SLC6A20: variants seen among roughly 807,000 people sequenced by gnomAD.
SLC6A20 encodes the protein sodium- and chloride-dependent transporter XTRP3.
A neutral mutation model predicts 64.3 loss-of-function variants in SLC6A20; 73 were observed. The ratio of observed to expected loss-of-function variants is 1.14; its 90% CI spans 0.94 to 1.38. The LOEUF is 1.38. Among genes scored for constraint, SLC6A20 ranks in the 40% most tolerant of loss-of-function variants. The pLI, the probability that SLC6A20 is intolerant of heterozygous loss-of-function variation, is 0.00. For missense variants in SLC6A20, 725 were observed against 772.8 expected (o/e 0.94, Z 0.73); for synonymous variants, 347 against 329.6 (o/e 1.05, Z -0.57).
At chr3:45,787,293 CA>C (rs1271037299) in intron 1 of SLC6A20, among the ~76,000 whole-genome samples, 1 of 152,154 alleles carries the variant, frequency 6.6e-6, no homozygotes, top group African/African-American at 2.4e-5. Flanking sequence ...TCCTCCTGCC[CA>C]GGATGCTTTC....
chr3:45,784,339 TAACA>T (rs897032337), intron 1 of SLC6A20, among the ~76,000 whole-genome samples: 16 of 152,244 alleles, frequency 1.1e-4, no homozygotes, highest in African/African-American at 3.6e-4. Context: ...TCAAATTTTA[TAACA>T]AACAAATCTC....
intron 1 of SLC6A20, among the ~76,000 whole-genome samples, chr3:45,787,206 C>T (rs889613409): frequency 6.6e-6 from 1 of 152,220 alleles, no homozygotes; most frequent in Non-Finnish European, 1.5e-5. Context: ...CCCTTCCCTG[C>T]CGCTGGCCTC....
At position 45,765,778 on chromosome 3, in the gene SLC6A20, G is replaced by A; in HGVS notation, c.1099-37C>T. ...GAGAAGACACCAGTTACATGCAAGA[G>A]GGACTTATAGTCTTATTCACGCACT... On this transcript the variant is annotated intron_variant, in intron 7 of 10. Coordinates refer to ENST00000358525, the MANE Select transcript of SLC6A20 (RefSeq NM_020208.4). The surrounding 1 kb of genome is among the most constrained non-coding windows in gnomAD (Gnocchi z 4.2). 2 of 1,610,812 alleles carry A rather than the reference G, an allele frequency of 1.2e-6. No homozygotes were observed. Among genetic ancestry groups the A allele is most frequent in the Non-Finnish European group, 1.7e-6 (2 of 1,177,518 alleles).
At chr3:45,770,572 C>T (rs978857915) in intron 6 of SLC6A20, among the ~76,000 whole-genome samples, 5 of 152,216 alleles carry the variant, frequency 3.3e-5, no homozygotes, top group African/African-American at 1.2e-4. Context: ...CAAACTCACA[C>T]AGCTAGGCTA....
intron 1 of SLC6A20, among the ~76,000 whole-genome samples, chr3:45,786,092 A>G (rs901379296): frequency 6.6e-6 from 1 of 152,206 alleles, no homozygotes; most frequent in Non-Finnish European, 1.5e-5. Flanking sequence ...GAACTGTGAG[A>G]AATGATTAAT....
In SLC6A20 at chr3:45,796,409, G is replaced by A; in HGVS notation, c.11C>T (p.Ala4Val). 1 of 1,612,042 alleles carries A rather than the reference G, an allele frequency of 6.2e-7. No individual in the cohort carries two copies. Among genetic ancestry groups the A allele is most frequent in the Non-Finnish European group, 8.5e-7 (1 of 1,179,370 alleles). Residue 4 changes from alanine to valine, a missense_variant, in exon 1 of 11, where the codon GCG (alanine) becomes GTG (valine). By Grantham distance (64) the Ala-to-Val change is moderately conservative. Transcript: ENST00000358525. ...TAGCGAGTTGGCCCACAGCGGCCGC[G>A]CTTTCTCCATGGCCCCGGCCTCGGC... is the stretch of plus-strand genomic sequence containing the variant. MEK[A>V]RPLWANSLQF...
rs1209334762 is a variant in SLC6A20 at position 45,764,729 on chromosome 3, A to G, written c.1303+808T>C. Among the ~76,000 whole-genome samples the G allele has an allele frequency of 4.7e-5, 6 of 127,788 alleles. No homozygotes were observed. In the East Asian group the frequency reaches 1.3e-3, roughly 27 times the overall value. 83.8% of individuals were successfully genotyped at this position (127,788 alleles called of 152,430 possible). A position where few individuals can be genotyped will look rare whatever the true frequency, so the allele number is the denominator to read the frequency against. ...AAAACAAAAAAAAAAAAAAAAGGAA[A>G]AAAACCCCTAAAATGTAGAAGTCAG... is the stretch of plus-strand genomic sequence containing the variant. On this transcript the variant is annotated intron_variant, in intron 8 of 10. Coordinates refer to ENST00000358525, the MANE Select transcript of SLC6A20 (RefSeq NM_020208.4).
intron 3 of SLC6A20, among the ~76,000 whole-genome samples, chr3:45,778,276 C>T (rs1370072714): frequency 1.3e-5 from 2 of 152,216 alleles, no homozygotes; most frequent in East Asian, 1.9e-4. Context: ...CTCGGGTGCT[C>T]AGTGTGCTCA....
In SLC6A20 at chr3:45,768,325, GA is replaced by G. The variant is rs543624678; in HGVS notation, c.1098+1883del. Among the ~76,000 whole-genome samples the G allele has an allele frequency of 4.9e-4, 71 of 145,858 alleles. 1 individual carries two copies. The highest frequency in any genetic ancestry group is 1.2e-3 in the African/African-American group (49 of 39,618). ...AAGTGGAATGGGGAAAGAAAAGAAA[GA>G]AAAAAAAAAGAACAAAGCAACAGGA... On this transcript the variant is annotated intron_variant, in intron 7 of 10. Transcript: ENST00000358525.
intron 8 of SLC6A20, among the ~76,000 whole-genome samples, chr3:45,764,681 G>A (rs7641997): frequency 0.33 from 47,869 of 143,048 alleles, 8,193 homozygotes; most frequent in African/African-American, 0.4. Context: ...CAGCCTGGGT[G>A]ACAGAGTGAG....
Position 45,763,146 on chromosome 3 carries a change from G to A in SLC6A20, c.1304-74C>T, listed in dbSNP as rs116408374. 369 of 1,578,042 alleles carry A rather than the reference G, an allele frequency of 2.3e-4. 1 individual carries two copies. The African/African-American group carries it at 4.6e-3, about 20-fold the overall frequency. On this transcript the variant is annotated intron_variant, in intron 8 of 10. Coordinates refer to ENST00000358525, the MANE Select transcript of SLC6A20 (RefSeq NM_020208.4). The stretch of plus-strand genomic sequence containing the variant: ...CTGCTTACCAGTTCTCTACAGGACA[G>A]TGGGGTCGTCGGCCCTCAGGGAATT...
At chr3:45,781,338 T>C (rs1402504674) in intron 2 of SLC6A20, among the ~76,000 whole-genome samples, 1 of 152,224 alleles carries the variant, frequency 6.6e-6, no homozygotes, top group Non-Finnish European at 1.5e-5. Flanking sequence ...CATATAAGCT[T>C]CCACCCTCTT....
In SLC6A20 at chr3:45,762,924, G is replaced by A. The variant is rs768529237; in HGVS notation, c.1452C>T (p.Tyr484=). Reference sequence around the variant, plus strand: ...CTGGGCCTCCTCACCTCCTCAGCCCGTACACGTAGCACACGGCAATCGTCT... The same window carrying A: ...CTGGGCCTCCTCACCTCCTCAGCCCATACACGTAGCACACGGCAATCGTCT... ...LVETIAVCYV[Y]GLRRFESDLK... The change falls in exon 9 of 11, where the codon TAC becomes TAT. Residue 484 remains tyrosine, a synonymous_variant. Coordinates refer to ENST00000358525, the MANE Select transcript of SLC6A20 (RefSeq NM_020208.4). 2.4e-5 allele frequency: 39 copies of A among 1,613,986 alleles called. No individual in the cohort carries two copies. The highest frequency in any genetic ancestry group is 8.0e-5 in the African/African-American group (6 of 74,910).
At chr3:45,771,153 C>T (rs1401424840) in intron 6 of SLC6A20, 64 bp downstream of exon 6, 1 of 1,605,382 alleles carries the variant, frequency 6.2e-7, no homozygotes, top group African/African-American at 1.3e-5. Flanking sequence ...CAGCCCTTGC[C>T]CAGGCGACCC....
rs1467524182 is a variant in SLC6A20 at position 45,765,859 on chromosome 3, G to A, written c.1099-118C>T. On this transcript the variant is annotated intron_variant, in intron 7 of 10. Transcript: ENST00000358525. The surrounding 1 kb of genome is among the most constrained non-coding windows in gnomAD (Gnocchi z 4.2). ...GTGGCCATGAGAAGCCACATTGTGA[G>A]GTTGGAGCTTCCATCTGCAGATCAA... 8.9e-5 allele frequency: 97 copies of A among 1,083,836 alleles called. No homozygotes were observed. Among genetic ancestry groups the A allele is most frequent in the Non-Finnish European group, 1.2e-4 (91 of 744,842 alleles). The allele number at this position is 1,083,836 out of a possible 1,614,324, so 67.1% of individuals were successfully genotyped here.
intron 5 of SLC6A20, chr3:45,771,838 A>C: frequency 4.1e-6 from 1 of 244,686 alleles, no homozygotes; most frequent in East Asian, 9.3e-5. Flanking sequence ...TTAAAACACA[A>C]ATGGGGCCCT....
chr3:45,793,308 T>C (rs1034156951), intron 1 of SLC6A20, among the ~76,000 whole-genome samples: 27 of 152,170 alleles, frequency 1.8e-4, no homozygotes, highest in Non-Finnish European at 1.2e-4. Context: ...TCCATGTTTC[T>C]TCCGTGCACA....
At chr3:45,766,799 T>C (rs1459773560) in intron 7 of SLC6A20, among the ~76,000 whole-genome samples, 1 of 152,222 alleles carries the variant, frequency 6.6e-6, no homozygotes, top group African/African-American at 2.4e-5. Flanking sequence ...CAAACCCTGC[T>C]GGCCCTTGAT....
chr3:45,785,672 G>A (rs67757940), intron 1 of SLC6A20, among the ~76,000 whole-genome samples: 18,345 of 147,128 alleles, frequency 0.12, 1,291 homozygotes, highest in East Asian at 0.21. Flanking sequence ...TGTCCCTCTA[G>A]GGAACCCTAA....
Sources: allele counts gnomAD v4.1 joint callset (sites outside exome capture counted in the v4.1 genomes callset), GRCh38; gene constraint gnomAD v4.1.1; non-coding constraint Gnocchi (gnomAD v3.1); transcripts MANE v1.5; gene names NCBI Gene and HGNC (gene_info 2026-07-23, HGNC 2026-07-21).